Variants in ACTL8 observed in about 807,000 individuals in gnomAD.
ACTL8 encodes the protein actin like 8, also known as actin-like protein 8.
Under a neutral mutation model 9.3 loss-of-function variants are expected in ACTL8, and 3 were observed. That is an observed-to-expected ratio of 0.32 (90% CI 0.15 to 0.83). The LOEUF (loss-of-function observed/expected upper bound fraction) is 0.83, where lower values mean the gene tolerates loss of function less well. Among genes scored for constraint, ACTL8 ranks in the 40% least tolerant of loss-of-function variants. The pLI is 0.57. For synonymous variants in ACTL8, 224 were observed against 205.9 expected (o/e 1.09, Z -0.75); for missense variants, 381 against 492.2 (o/e 0.77, Z 2.14).
At chr1:17,791,855 A>T (rs1270006751) in intron 1 of ACTL8, among the ~76,000 whole-genome samples, 3 of 152,232 alleles carry the variant, frequency 2.0e-5, no homozygotes, top group Non-Finnish European at 4.4e-5. Context: ...AACACATCTT[A>T]TGAGGAAGAG....
intron 1 of ACTL8, among the ~76,000 whole-genome samples, chr1:17,768,619 G>A (rs2102677080): frequency 6.6e-6 from 1 of 152,346 alleles, no homozygotes; most frequent in East Asian, 1.9e-4. Flanking sequence ...GGCTCAGAGT[G>A]CAGAGGGGTT....
intron 1 of ACTL8, among the ~76,000 whole-genome samples, chr1:17,819,882 A>G (rs998649898): frequency 7.2e-5 from 11 of 151,894 alleles, no homozygotes; most frequent in African/African-American, 2.7e-4. Context: ...CATGGCTTGC[A>G]CCTGTAGCCC....
intron 1 of ACTL8, among the ~76,000 whole-genome samples, chr1:17,816,938 A>AAT (rs921780378): frequency 9.9e-5 from 15 of 152,198 alleles, no homozygotes; most frequent in African/African-American, 3.6e-4. Flanking sequence ...AAAACAGGAA[A>AAT]ATAAAACAAA....
At chr1:17,763,537 C>T (rs542364604) in intron 1 of ACTL8, among the ~76,000 whole-genome samples, 2 of 152,332 alleles carry the variant, frequency 1.3e-5, no homozygotes, top group African/African-American at 4.8e-5. Flanking sequence ...CCCGTGTCCC[C>T]TGCCTCCAGC....
At position 17,817,691 on chromosome 1, in the gene ACTL8, T is replaced by C. The variant is rs575664543; in HGVS notation, c.-24-5294T>C. Among the ~76,000 whole-genome samples, 200 of 143,344 alleles carry C rather than the reference T, an allele frequency of 1.4e-3. 1 individual carries two copies. The highest frequency in any genetic ancestry group is 4.7e-3 in the African/African-American group (185 of 39,284). The allele number at this position is 143,344 out of a possible 152,430, so 94.0% of individuals were successfully genotyped here. On this transcript the variant is annotated intron_variant, in intron 1 of 2. Transcript: ENST00000375406. ...ACCACTTCCATCCCAACCACTTTTC[T>C]TTTTTCTTTCTTTCTTTTCTTTTTT...
chr1:17,816,717 TG>T (rs1435229388), intron 1 of ACTL8, among the ~76,000 whole-genome samples: 1 of 152,184 alleles, frequency 6.6e-6, no homozygotes, highest in Non-Finnish European at 1.5e-5. Flanking sequence ...GCCATGGGTG[TG>T]TCCCAGCCAT....
chr1:17,810,810 A>C (rs932085941), intron 1 of ACTL8, among the ~76,000 whole-genome samples: 8 of 152,238 alleles, frequency 5.3e-5, no homozygotes, highest in Non-Finnish European at 8.8e-5. Flanking sequence ...TTTGACAGTC[A>C]TGGATGTTGT....
At chr1:17,768,958 T>G (rs1447730760) in intron 1 of ACTL8, among the ~76,000 whole-genome samples, 1 of 152,198 alleles carries the variant, frequency 6.6e-6, no homozygotes, top group Non-Finnish European at 1.5e-5. Context: ...GACACTATAC[T>G]AATAGTGCTT....
chr1:17,782,341 G>T (rs1237783631), intron 1 of ACTL8, among the ~76,000 whole-genome samples: 1 of 152,156 alleles, frequency 6.6e-6, no homozygotes, highest in Non-Finnish European at 1.5e-5. Flanking sequence ...GGGCGAAAGT[G>T]CTCTGTGGTT....
intron 1 of ACTL8, among the ~76,000 whole-genome samples, chr1:17,783,448 G>A (rs866164548): frequency 6.6e-6 from 1 of 151,708 alleles, no homozygotes; most frequent in Middle Eastern, 3.2e-3. Flanking sequence ...GTGGTGGTCC[G>A]TATTTAAAGC....
intron 1 of ACTL8, among the ~76,000 whole-genome samples, chr1:17,812,587 G>A (rs940549240): frequency 7.2e-6 from 1 of 139,554 alleles, no homozygotes; most frequent in Non-Finnish European, 1.6e-5. Context: ...ACGCCACCAC[G>A]CCCTGTCAAT....
intron 1 of ACTL8, among the ~76,000 whole-genome samples, chr1:17,806,797 G>A (rs923612433): frequency 6.6e-6 from 1 of 152,244 alleles, no homozygotes; most frequent in African/African-American, 2.4e-5. Flanking sequence ...AGTGGGAGCT[G>A]CTTTTGCATC....
intron 1 of ACTL8, among the ~76,000 whole-genome samples, chr1:17,803,218 G>T (rs897832564): frequency 6.6e-6 from 1 of 150,710 alleles, no homozygotes; most frequent in Non-Finnish European, 1.5e-5. Flanking sequence ...CTTTTGCTCG[G>T]CACTTCTCCT....
intron 1 of ACTL8, among the ~76,000 whole-genome samples, chr1:17,820,849 A>G (rs1462761068): frequency 7.9e-5 from 12 of 152,090 alleles, no homozygotes; most frequent in Non-Finnish European, 1.6e-4. Flanking sequence ...AGTATGCTGA[A>G]CTTTTTAAGA....
At chr1:17,772,771 T>C (rs2066092892) in intron 1 of ACTL8, among the ~76,000 whole-genome samples, 1 of 152,156 alleles carries the variant, frequency 6.6e-6, no homozygotes, top group Non-Finnish European at 1.5e-5. Flanking sequence ...GCTCTGGAGC[T>C]ACAGGGACCC....
At chr1:17,782,651 G>T (rs1415232400) in intron 1 of ACTL8, among the ~76,000 whole-genome samples, 1 of 152,128 alleles carries the variant, frequency 6.6e-6, no homozygotes, top group Non-Finnish European at 1.5e-5. Context: ...TCTGTTGTCT[G>T]GTTGTACTGC....
chr1:17,770,210 A>C (rs949209396), intron 1 of ACTL8, among the ~76,000 whole-genome samples: 2 of 152,192 alleles, frequency 1.3e-5, no homozygotes, highest in African/African-American at 4.8e-5. Context: ...ATCTATCTTT[A>C]ATCCTTCCTG....
Position 17,791,878 on chromosome 1 carries a change from T to TA in ACTL8, c.-24-31105dup, listed in dbSNP as rs368471593. ...TTATGAGGAAGAGAGAGGGAAAAAA[T>TA]AAGAGCTTCACCCCCAACTTGATTT... On this transcript the variant is annotated intron_variant, in intron 1 of 2. Coordinates refer to ENST00000375406, the MANE Select transcript of ACTL8 (RefSeq NM_030812.3). Among the ~76,000 whole-genome samples the TA allele has an allele frequency of 4.6e-5, 7 of 152,272 alleles. 1 individual carries two copies. Among genetic ancestry groups the TA allele is most frequent in the South Asian group, 2.1e-4 (1 of 4,824 alleles).
chr1:17,807,283 C>T (rs1037702741), intron 1 of ACTL8, among the ~76,000 whole-genome samples: 2 of 152,182 alleles, frequency 1.3e-5, no homozygotes, highest in Non-Finnish European at 2.9e-5. Context: ...AATCTTTGTG[C>T]TTTGGAGACC....
Sources: gnomAD v4.1 joint callset for allele counts (sites outside exome capture counted in the v4.1 genomes callset) on GRCh38, gnomAD v4.1.1 for gene constraint, MANE v1.5 for transcripts, NCBI Gene and HGNC (gene_info 2026-07-23, HGNC 2026-07-21) for gene names.